Variants in RNF20 observed in about 807,000 individuals in gnomAD.
RNF20 encodes the protein E3 ubiquitin-protein ligase BRE1A.
In RNF20, 84 loss-of-function variants were observed where a neutral mutation model predicts 126.2. That is an observed-to-expected ratio of 0.67 (90% CI 0.56 to 0.80). The LOEUF is 0.80. Among genes scored for constraint, RNF20 ranks in the 30% least tolerant of loss-of-function variants. RNF20 has a pLI of 0.00. For synonymous variants in RNF20, 400 were observed against 414.3 expected (o/e 0.97, Z 0.42); for missense variants, 869 against 1,188.2 (o/e 0.73, Z 3.95).
chr9:101,547,294 G>C, intron 8 of RNF20, 80 bp downstream of exon 8: 1 of 1,592,640 alleles, frequency 6.3e-7, no homozygotes, highest in Non-Finnish European at 8.6e-7. Flanking sequence ...GTTCACAAGT[G>C]ACATCATGGG....
Position 101,544,775 on chromosome 9 carries a change from A to G in RNF20, c.637A>G (p.Ile213Val). Reference protein sequence around the residue: ...SRKLNSGDNLIVEEAVQELNS... With the variant: ...SRKLNSGDNLVVEEAVQELNS... ...TAGTTCTTCTTCCCCAGATAATCTG[A>G]TAGTGGAGGAAGCAGTGCAGGAGCT... Residue 213 changes from isoleucine (I) to valine (V), a missense_variant, in exon 6 of 20, where the codon ATA becomes GTA. Physicochemically the swap from Ile to Val is conservative, Grantham distance 29. This residue lies in a region of RNF20 where 103 missense variants were observed against 94.3 expected (regional missense o/e 1.09). Coordinates refer to ENST00000389120, the MANE Select transcript of RNF20 (RefSeq NM_019592.7). 6.3e-7 allele frequency: 1 copy of G among 1,597,698 alleles called. No homozygotes were observed.
chr9:101,540,719 G>A lies in RNF20; in HGVS notation c.446-74G>A, dbSNP rs542335592. ...CTCTGCTTTGAGGCTTTCCATTTGA[G>A]GGAAAAAAAATGGATTTTGTTATTT... On this transcript the variant is annotated intron_variant, in intron 4 of 19. Coordinates refer to ENST00000389120, the MANE Select transcript of RNF20 (RefSeq NM_019592.7). The A allele has an allele frequency of 4.6e-4, 738 of 1,587,360 alleles. 7 individuals carry two copies. The South Asian group carries it at 7.7e-3, about 17-fold the overall frequency.
chr9:101,558,006 C>CT lies in RNF20; in HGVS notation c.2382+428dup, dbSNP rs200617735. On this transcript the variant is annotated intron_variant, in intron 16 of 19. Coordinates refer to ENST00000389120, the MANE Select transcript of RNF20 (RefSeq NM_019592.7). ...AGGTTAGGAGGTATGTGTGATTTTA[C>CT]TTTTTTTTTTTTTTTTTTAAATTTC... 4.0e-3 allele frequency among the ~76,000 whole-genome samples: 505 copies of CT among 127,652 alleles called. 1 individual carries two copies. Among genetic ancestry groups the CT allele is most frequent in the African/African-American group, 0.011 (379 of 34,234 alleles). 83.7% of individuals were successfully genotyped at this position (127,652 alleles called of 152,430 possible).
intron 11 of RNF20, 72 bp from the exon 12 acceptor site, chr9:101,552,069 T>A: frequency 1.3e-6 from 2 of 1,589,346 alleles, no homozygotes; most frequent in African/African-American, 2.7e-5. Flanking sequence ...TCCTGATGTG[T>A]TCTGTTCTTT....
Position 101,560,813 on chromosome 9 carries a change from C to T in RNF20, c.2395C>T (p.Leu799=). 1 of 1,611,392 alleles carries T rather than the reference C, an allele frequency of 6.2e-7. No individual in the cohort carries two copies. The highest frequency in any genetic ancestry group is 1.1e-5 in the South Asian group (1 of 90,620). Residue 799 remains leucine (L), a synonymous_variant, in exon 17 of 20, where the codon CTA becomes TTA. Transcript: ENST00000389120. ...TTTCTGTTCAAAGGTTGATGCCCAG[C>T]TACAGGTAGTAAGGAAACTGGAAGA... ...LTLKTQVDAQ[L]QVVRKLEEKE...
intron 2 of RNF20, among the ~76,000 whole-genome samples, chr9:101,539,459 A>C (rs1047791216): frequency 3.3e-5 from 5 of 152,170 alleles, no homozygotes; most frequent in Non-Finnish European, 7.4e-5. Context: ...ATAGCATATG[A>C]TTAAGATATG....
At chr9:101,548,824 G>A (rs1827395111) in intron 9 of RNF20, among the ~76,000 whole-genome samples, 1 of 152,140 alleles carries the variant, frequency 6.6e-6, no homozygotes, top group African/African-American at 2.4e-5. Context: ...GATCCAAAAT[G>A]CATTAAAGTG....
intron 5 of RNF20, among the ~76,000 whole-genome samples, chr9:101,541,730 A>C (rs1827262719): frequency 6.6e-6 from 1 of 152,194 alleles, no homozygotes; most frequent in Admixed American, 6.5e-5. Context: ...ATTTTTCATT[A>C]TCGCTAATGT....
At chr9:101,541,256 A>C (rs974835117) in intron 5 of RNF20, among the ~76,000 whole-genome samples, 9 of 152,158 alleles carry the variant, frequency 5.9e-5, no homozygotes, top group Non-Finnish European at 4.4e-5. Context: ...CTTTTTGTAG[A>C]GAGGAAGTCT....
chr9:101,538,681 T>G (rs1433844211), intron 2 of RNF20, among the ~76,000 whole-genome samples: 1 of 152,160 alleles, frequency 6.6e-6, no homozygotes, highest in Non-Finnish European at 1.5e-5. Context: ...ATTAATAGTG[T>G]TAATAAACTG....
intron 13 of RNF20, 64 bp from the exon 14 acceptor site, chr9:101,553,924 C>A: frequency 1.1e-6 from 1 of 877,884 alleles, no homozygotes; most frequent in Non-Finnish European, 1.8e-6. Context: ...TCAAAATTCC[C>A]TTGCTCTGAT....
At position 101,547,172 on chromosome 9, in the gene RNF20, G is replaced by C. The variant is rs191878175; in HGVS notation, c.930G>C (p.Gly310=). The part of the protein sequence containing the change: ...NSKGYKVYGA[G]SSLYGGTITI... Reference sequence around the variant, plus strand: ...AAGGTTATAAGGTGTATGGAGCGGGGAGCAGTCTGTATGGCGGCACAATCA... The same window carrying C: ...AAGGTTATAAGGTGTATGGAGCGGGCAGCAGTCTGTATGGCGGCACAATCA... Residue 310 remains glycine (G), a synonymous_variant, in exon 8 of 20, where the codon GGG becomes GGC. Coordinates refer to ENST00000389120, the MANE Select transcript of RNF20 (RefSeq NM_019592.7). 38 of 1,614,126 alleles carry C rather than the reference G, an allele frequency of 2.4e-5. No homozygotes were observed. The East Asian group carries it at 8.0e-4, about 34-fold the overall frequency.
In RNF20 at chr9:101,547,604, A is replaced by T; in HGVS notation, c.1092+86A>T. The T allele has an allele frequency of 2.1e-6, 3 of 1,460,158 alleles. No homozygotes were observed. In the Admixed American group the frequency reaches 6.3e-5, roughly 31 times the overall value. The allele number at this position is 1,460,158 out of a possible 1,614,324, so 90.5% of individuals were successfully genotyped here. A position where few individuals can be genotyped will look rare whatever the true frequency, so the allele number is the denominator to read the frequency against. ...TACATAGTTGTGAATCTGCGTATTC[A>T]TGAGGGATAAGAAAAATGTAGACAA... On this transcript the variant is annotated intron_variant, in intron 9 of 19. Transcript: ENST00000389120.
At chr9:101,550,284 T>G (rs1827421748) in intron 9 of RNF20, among the ~76,000 whole-genome samples, 1 of 152,214 alleles carries the variant, frequency 6.6e-6, no homozygotes. Context: ...AGTTAGTGAC[T>G]GGGGTCCTCA....
In RNF20 at chr9:101,544,913, G is replaced by A. The variant is rs369824546; in HGVS notation, c.747+28G>A. ...ACTTAACCAAAAAGGAGAGATGGCT[G>A]TGTCTAGTGGGCTGTGGCAGATGTT... On this transcript the variant is annotated intron_variant, in intron 6 of 19. Transcript: ENST00000389120. 14 of 1,344,940 alleles carry A rather than the reference G, an allele frequency of 1.0e-5. No homozygotes were observed. In the African/African-American group the frequency reaches 1.9e-4, roughly 18 times the overall value. The allele number at this position is 1,344,940 out of a possible 1,614,324, so 83.3% of individuals were successfully genotyped here.
At chr9:101,560,443 A>G (rs1017533159) in intron 16 of RNF20, among the ~76,000 whole-genome samples, 2 of 152,212 alleles carry the variant, frequency 1.3e-5, no homozygotes, top group Non-Finnish European at 2.9e-5. Context: ...CTCTTTTAGA[A>G]TGTCTAGCCA....
At chr9:101,534,249 A>C (rs1476917869) in intron 1 of RNF20, 1 of 152,044 alleles carries the variant, frequency 6.6e-6, no homozygotes, top group African/African-American at 2.4e-5. Flanking sequence ...TGTTTCCTGA[A>C]GTAGCCAAAG....
At position 101,560,673 on chromosome 9, in the gene RNF20, T is replaced by C. The variant is rs1297284831; in HGVS notation, c.2383-128T>C. ...GTCTTGATGTATTTTGAAGGGTTCA[T>C]GGGCAAAATCAGTAATAGTTTGAGA... On this transcript the variant is annotated intron_variant, in intron 16 of 19. Coordinates refer to ENST00000389120, the MANE Select transcript of RNF20 (RefSeq NM_019592.7). 9.5e-6 allele frequency: 8 copies of C among 843,060 alleles called. No homozygotes were observed. In the Admixed American group the frequency reaches 2.6e-4, roughly 28 times the overall value. 52.2% of individuals were successfully genotyped at this position (843,060 alleles called of 1,614,324 possible). A position where few individuals can be genotyped will look rare whatever the true frequency, so the allele number is the denominator to read the frequency against.
chr9:101,562,016 G>A lies in RNF20; in HGVS notation c.2751+5G>A. On this transcript the variant is annotated splice_donor_5th_base_variant and intron_variant, in intron 19 of 19. Coordinates refer to ENST00000389120, the MANE Select transcript of RNF20 (RefSeq NM_019592.7). ...GAAGAGATTAAGGATTACAAGGTTA[G>A]AAAAAATGCCTTAGTGATTAGTTTT... is the stretch of plus-strand genomic sequence containing the variant. 1.3e-6 allele frequency: 2 copies of A among 1,583,904 alleles called. No homozygotes were observed. Among genetic ancestry groups the A allele is most frequent in the Admixed American group, 1.8e-5 (1 of 56,040 alleles).
Sources: allele counts gnomAD v4.1 joint callset (sites outside exome capture counted in the v4.1 genomes callset), GRCh38; gene constraint gnomAD v4.1.1; regional missense constraint gnomAD v4.1.1; transcripts MANE v1.5; gene names NCBI Gene and HGNC (gene_info 2026-07-23, HGNC 2026-07-21).